MYO10: variants seen among roughly 807,000 people sequenced by gnomAD.
MYO10 encodes the protein unconventional myosin-X.
MYO10 carries 133 observed loss-of-function variants against 257.3 expected under a neutral mutation model. That is an observed-to-expected ratio of 0.52 (90% confidence interval 0.45 to 0.60). The LOEUF is 0.60. Ranked by LOEUF, MYO10 falls within the 20% of genes least tolerant of loss-of-function variation. The probability of loss-of-function intolerance (pLI) is 0.00; values close to 1 mark genes in which losing one functional copy is unlikely to be tolerated. For missense variants in MYO10, 2,399 were observed against 2,635.7 expected, an observed-to-expected ratio of 0.91 and a Z score of 1.97; for synonymous variants, 1,104 against 1,028.6, an observed-to-expected ratio of 1.07 and a Z score of -1.40.
chr5:16,882,319 T>G (rs1331797664), intron 1 of MYO10, among the ~76,000 whole-genome samples: 1 of 152,212 alleles, frequency 6.6e-6, no homozygotes, highest in Non-Finnish European at 1.5e-5. Context: ...ACTGAGAATG[T>G]AAAATGGTAC....
At chr5:16,790,926 CACAT>C (rs1741733037) in intron 4 of MYO10, among the ~76,000 whole-genome samples, 2 of 148,142 alleles carry the variant, frequency 1.4e-5, no homozygotes, top group African/African-American at 2.6e-5. Flanking sequence ...CACACACACA[CACAT>C]ATATTCAAAA....
At chr5:16,907,107 C>T (rs1745540036) in intron 1 of MYO10, among the ~76,000 whole-genome samples, 1 of 151,830 alleles carries the variant, frequency 6.6e-6, no homozygotes, top group African/African-American at 2.4e-5. Flanking sequence ...GAATGAGACT[C>T]CATCTCAAAA....
chr5:16,815,197 C>A, intron 3 of MYO10: 3 of 426,390 alleles, frequency 7.0e-6, no homozygotes, highest in South Asian at 4.9e-5. Context: ...TCTCTAATGA[C>A]AGCAAAGTAT....
intron 2 of MYO10, among the ~76,000 whole-genome samples, chr5:16,847,766 G>A (rs1269765985): frequency 6.6e-6 from 1 of 152,090 alleles, no homozygotes; most frequent in Non-Finnish European, 1.5e-5. Flanking sequence ...CACAACTGAA[G>A]TCTCAGCTAC....
At chr5:16,810,130 A>G (rs1400113478) in intron 3 of MYO10, among the ~76,000 whole-genome samples, 1 of 152,052 alleles carries the variant, frequency 6.6e-6, no homozygotes, top group Non-Finnish European at 1.5e-5. Flanking sequence ...TCTTGTCAAC[A>G]CTGTGCTTAG....
chr5:16,816,298 C>CA (rs1361395736), intron 3 of MYO10, among the ~76,000 whole-genome samples: 1 of 144,054 alleles, frequency 6.9e-6, no homozygotes, highest in Non-Finnish European at 1.5e-5. Context: ...AAGATAGTGC[C>CA]AGTGCACTCC....
Position 16,673,872 on chromosome 5 carries a change from G to A in MYO10, c.4982C>T (p.Pro1661Leu). 2 of 1,613,910 alleles carry A rather than the reference G, an allele frequency of 1.2e-6. No individual in the cohort carries two copies. Among genetic ancestry groups the A allele is most frequent in the Non-Finnish European group, 1.7e-6 (2 of 1,179,864 alleles). ...FHLKRIREQF[P>L]GSEMEKYALF... ...AGCGTATTTTTCCATCTCGCTTCCTGGAAACTGTTCCCGTATCCTAGGAGG... is the reference window on the plus strand; with the variant it reads ...AGCGTATTTTTCCATCTCGCTTCCTAGAAACTGTTCCCGTATCCTAGGAGG... The change falls in exon 36 of 41, where the codon CCA becomes CTA. Residue 1661 changes from proline (P) to leucine (L), a missense_variant. This residue lies in a region of MYO10 where 1,820 missense variants were observed against 1,939.4 expected (regional missense o/e 0.94). Coordinates refer to ENST00000513610, the MANE Select transcript of MYO10 (RefSeq NM_012334.3).
chr5:16,903,288 C>G (rs997432439), intron 1 of MYO10, among the ~76,000 whole-genome samples: 4 of 152,176 alleles, frequency 2.6e-5, no homozygotes, highest in African/African-American at 7.2e-5. Context: ...GCCTGTAATC[C>G]TAGCAACTCG....
At chr5:16,889,092 A>G (rs10035649) in intron 1 of MYO10, among the ~76,000 whole-genome samples, 73,008 of 151,654 alleles carry the variant, frequency 0.48, 18,085 homozygotes, top group African/African-American at 0.59. Context: ...AGGATGGCTT[A>G]AGCCCAAGAG....
chr5:16,691,356 A>G (rs1737493652), intron 27 of MYO10, among the ~76,000 whole-genome samples: 1 of 151,842 alleles, frequency 6.6e-6, no homozygotes, highest in South Asian at 2.1e-4. Context: ...GAAAATAAGT[A>G]TTATCTGACC....
chr5:16,680,152 G>A, intron 32 of MYO10, 48 bp from the exon 33 acceptor site: 1 of 1,580,962 alleles, frequency 6.3e-7, no homozygotes, highest in African/African-American at 1.3e-5. Context: ...GCCAACCTCG[G>A]GGACTGAGGC....
intron 3 of MYO10, among the ~76,000 whole-genome samples, chr5:16,798,290 A>T (rs1742025409): frequency 6.6e-5 from 10 of 152,182 alleles, no homozygotes; most frequent in Admixed American, 6.6e-4. Context: ...GAATGTACTA[A>T]ATGCCACTGA....
At chr5:16,861,938 G>A (rs988215189) in intron 2 of MYO10, among the ~76,000 whole-genome samples, 1 of 152,102 alleles carries the variant, frequency 6.6e-6, no homozygotes, top group Admixed American at 6.5e-5. Context: ...CCTTCCTCAT[G>A]GGATACTTAC....
At chr5:16,858,372 G>A (rs1297410885) in intron 2 of MYO10, among the ~76,000 whole-genome samples, 1 of 150,288 alleles carries the variant, frequency 6.7e-6, no homozygotes, top group African/African-American at 2.5e-5. Flanking sequence ...CAGGAATGCT[G>A]TGTTGATAAC....
chr5:16,681,626 G>GA (rs1274779000), intron 31 of MYO10, 123 bp from the exon 32 acceptor site: 1 of 1,133,826 alleles, frequency 8.8e-7, no homozygotes, highest in Non-Finnish European at 1.2e-6. Context: ...AAAAGACCAC[G>GA]AACACCCCAA....
At chr5:16,767,898 G>T (rs892101911) in intron 10 of MYO10, among the ~76,000 whole-genome samples, 6 of 151,804 alleles carry the variant, frequency 4.0e-5, no homozygotes, top group African/African-American at 1.5e-4. Flanking sequence ...GGTTGGTCTC[G>T]AACTCCTGAC....
intron 1 of MYO10, among the ~76,000 whole-genome samples, chr5:16,911,490 G>A (rs537940126): frequency 3.0e-4 from 45 of 152,252 alleles, no homozygotes; most frequent in African/African-American, 1.1e-3. Flanking sequence ...CCAGCACCTC[G>A]GGAGGCTGAG....
At chr5:16,826,692 T>A (rs200438230) in intron 2 of MYO10, among the ~76,000 whole-genome samples, 1 of 152,228 alleles carries the variant, frequency 6.6e-6, no homozygotes, top group East Asian at 1.9e-4. Context: ...TCTCTTCTCC[T>A]ATTTTAATCC....
intron 4 of MYO10, among the ~76,000 whole-genome samples, chr5:16,793,730 G>C (rs988286009): frequency 2.0e-5 from 3 of 152,134 alleles, no homozygotes; most frequent in East Asian, 3.9e-4. Context: ...GGGAGTTTAA[G>C]ACCAGCCTGA....
Sources: allele counts gnomAD v4.1 joint callset (sites outside exome capture counted in the v4.1 genomes callset), GRCh38; gene constraint gnomAD v4.1.1; regional missense constraint gnomAD v4.1.1; transcripts MANE v1.5; gene names NCBI Gene and HGNC (gene_info 2026-07-23, HGNC 2026-07-21).